Variants in GAPDHS observed in about 807,000 individuals in gnomAD.
The protein encoded by GAPDHS is glyceraldehyde-3-phosphate dehydrogenase, spermatogenic.
In GAPDHS, 42 loss-of-function variants were observed where a neutral mutation model predicts 48.7. The ratio of observed to expected loss-of-function variants is 0.86; its 90% confidence interval spans 0.67 to 1.12. The LOEUF is 1.12. GAPDHS is among the 50% of genes most tolerant of loss of function. The pLI is 0.00. For missense variants in GAPDHS, 512 were observed against 557.7 expected, an observed-to-expected ratio of 0.92 and a Z score of 0.82; for synonymous variants, 166 against 219.1, an observed-to-expected ratio of 0.76 and a Z score of 2.14.
At chr19:35,534,158 T>TA (rs2071449834) in intron 1 of GAPDHS, among the ~76,000 whole-genome samples, 2 of 151,982 alleles carry the variant, frequency 1.3e-5, no homozygotes, top group East Asian at 3.9e-4. Flanking sequence ...ACTACTTCCT[T>TA]AGTCTCTCAA....
In GAPDHS at chr19:35,539,016, T is replaced by G. The variant is rs578241169; in HGVS notation, c.449+333T>G. ...GCATCCTTGACCTCCCGGGCTCAAGTGGTCCTCCCACCTCGGCCTCCCAAG... is the reference window on the plus strand; with the variant it reads ...GCATCCTTGACCTCCCGGGCTCAAGGGGTCCTCCCACCTCGGCCTCCCAAG... On this transcript the variant is annotated intron_variant, in intron 4 of 10. Coordinates refer to ENST00000222286, the MANE Select transcript of GAPDHS (RefSeq NM_014364.5). Among the ~76,000 whole-genome samples, 4 of 152,240 alleles carry G rather than the reference T, an allele frequency of 2.6e-5. No individual in the cohort carries two copies. In the South Asian group the frequency reaches 8.3e-4, roughly 32 times the overall value.
Position 35,536,968 on chromosome 19 carries a change from G to C in GAPDHS, c.223G>C (p.Glu75Gln). Residue 75 changes from glutamate to glutamine, a missense_variant, in exon 2 of 11, where the codon GAG (glutamate) becomes CAG (glutamine). Coordinates refer to ENST00000222286, the MANE Select transcript of GAPDHS (RefSeq NM_014364.5). ...TCCTAAGATGGTGTCTGTGGCCCGG[G>C]AGCTGACTGTGGGCATCAATGGGTG... is the stretch of plus-strand genomic sequence containing the variant. ...PPPKMVSVAR[E>Q]LTVGINGFGR... 2 of 1,613,862 alleles carry C rather than the reference G, an allele frequency of 1.2e-6. No homozygotes were observed. Among genetic ancestry groups the C allele is most frequent in the Non-Finnish European group, 1.7e-6 (2 of 1,179,870 alleles).
chr19:35,538,393 C>A lies in GAPDHS; in HGVS notation c.332C>A (p.Pro111Gln). The A allele has an allele frequency of 6.4e-7, 1 of 1,563,146 alleles. No individual in the cohort carries two copies. Among genetic ancestry groups the A allele is most frequent in the Non-Finnish European group, 8.8e-7 (1 of 1,141,748 alleles). ...VVAVNDPFIDPEYMVYMFKYD... is the reference protein window; with the variant it reads ...VVAVNDPFIDQEYMVYMFKYD... ...GCTGTGAATGATCCATTCATTGACC[C>A]GGAATACATGGTCAGTAGCTGGCAG... The change falls in exon 3 of 11, where the codon CCG becomes CAG. Residue 111 changes from proline to glutamine, a missense_variant. Physicochemically the swap from Pro to Gln is moderately conservative, Grantham distance 76. Coordinates refer to ENST00000222286, the MANE Select transcript of GAPDHS (RefSeq NM_014364.5).
chr19:35,534,070 G>A (rs953025577), intron 1 of GAPDHS, among the ~76,000 whole-genome samples: 9 of 152,224 alleles, frequency 5.9e-5, no homozygotes, highest in African/African-American at 1.9e-4. Context: ...AGAGCTCAGG[G>A]AAGCCTCACC....
At chr19:35,538,509 A>G in intron 3 of GAPDHS, 68 bp from the exon 4 acceptor site, 1 of 1,276,764 alleles carries the variant, frequency 7.8e-7, no homozygotes, top group Non-Finnish European at 1.1e-6. Context: ...GACCTTCACC[A>G]AAGAGGGGAC....
Position 35,542,000 on chromosome 19 carries a change from G to A in GAPDHS, c.450-319G>A, listed in dbSNP as rs1315873481. On this transcript the variant is annotated intron_variant, in intron 4 of 10. Coordinates refer to ENST00000222286, the MANE Select transcript of GAPDHS (RefSeq NM_014364.5). ...ACGTCCCGGGCAGCATATGGAGAAAGGGTCTGGGCTGGCTGACAGCAGTCA... is the reference window on the plus strand; with the variant it reads ...ACGTCCCGGGCAGCATATGGAGAAAAGGTCTGGGCTGGCTGACAGCAGTCA... 8 of 362,526 alleles carry A rather than the reference G, an allele frequency of 2.2e-5. 1 individual carries two copies. In the South Asian group the frequency reaches 2.3e-4, roughly 10 times the overall value. The allele number at this position is 362,526 out of a possible 1,614,324, so 22.5% of individuals were successfully genotyped here. A position where few individuals can be genotyped will look rare whatever the true frequency, so the allele number is the denominator to read the frequency against.
chr19:35,543,374 C>T lies in GAPDHS; in HGVS notation c.776C>T (p.Thr259Ile). The T allele has an allele frequency of 6.2e-7, 1 of 1,613,052 alleles. No individual in the cohort carries two copies. Reference sequence around the variant, plus strand: ...CATTCCTACACGGCCACCCAGAAGACAGTGGACGGGCCATCAAGGAAGGCC... The same window carrying T: ...CATTCCTACACGGCCACCCAGAAGATAGTGGACGGGCCATCAAGGAAGGCC... ...TVHSYTATQK[T>I]VDGPSRKAWR... The change falls in exon 8 of 11, where the codon ACA (threonine) becomes ATA (isoleucine). Residue 259 changes from threonine to isoleucine, a missense_variant. Transcript: ENST00000222286.
intron 1 of GAPDHS, among the ~76,000 whole-genome samples, chr19:35,536,287 G>A (rs1398025520): frequency 6.6e-6 from 1 of 151,892 alleles, no homozygotes; most frequent in Non-Finnish European, 1.5e-5. Flanking sequence ...TATGTTGAAA[G>A]TACATACCCC....
At chr19:35,539,051 CCAG>C (rs2071484271) in intron 4 of GAPDHS, among the ~76,000 whole-genome samples, 1 of 152,082 alleles carries the variant, frequency 6.6e-6, no homozygotes, top group South Asian at 2.1e-4. Flanking sequence ...GTAGTGGGCA[CCAG>C]CCACCACACC....
chr19:35,538,451 G>GGC, intron 3 of GAPDHS, 48 bp downstream of exon 3: 4 of 746,746 alleles, frequency 5.4e-6, no homozygotes, highest in African/African-American at 1.7e-5. Context: ...ACTGGGGTGG[G>GGC]AAAGGGACTC....
intron 4 of GAPDHS, among the ~76,000 whole-genome samples, chr19:35,539,141 C>T (rs1314441295): frequency 6.6e-6 from 1 of 152,210 alleles, no homozygotes; most frequent in African/African-American, 2.4e-5. Flanking sequence ...AAGCAATCCT[C>T]CCACCTTGGC....
At position 35,542,632 on chromosome 19, in the gene GAPDHS, CA is replaced by C. The variant is rs765053704; in HGVS notation, c.659+26del. 507 of 1,475,270 alleles carry C rather than the reference CA, an allele frequency of 3.4e-4. 1 individual carries two copies. Among genetic ancestry groups the C allele is most frequent in the Non-Finnish European group, 4.7e-4 (491 of 1,054,230 alleles). 91.4% of individuals were successfully genotyped at this position (1,475,270 alleles called of 1,614,324 possible). ...AGGTAATGTGGGCAGTGACATCCTG[CA>C]ATGTGTGGAAGGGAGGGTAGACTCG... On this transcript the variant is annotated intron_variant, in intron 6 of 10. Coordinates refer to ENST00000222286, the MANE Select transcript of GAPDHS (RefSeq NM_014364.5).
chr19:35,542,672 C>T (rs2071513100), intron 6 of GAPDHS, 64 bp downstream of exon 6: 4 of 1,099,176 alleles, frequency 3.6e-6, no homozygotes, highest in East Asian at 4.8e-5. Flanking sequence ...TCCCCACCCT[C>T]AGCCCCACTG....
Position 35,542,383 on chromosome 19 carries a change from G to T in GAPDHS, c.514G>T (p.Val172Leu), listed in dbSNP as rs147678774. The change falls in exon 5 of 11, where the codon GTG (valine) becomes TTG (leucine). Residue 172 changes from valine (V) to leucine (L), a missense_variant. Physicochemically the swap from Val to Leu is conservative, Grantham distance 32. Coordinates refer to ENST00000222286, the MANE Select transcript of GAPDHS (RefSeq NM_014364.5). The stretch of plus-strand genomic sequence containing the variant: ...CCCCTACGTGGTGGAGTCCACAGGC[G>T]TGTACCTCTCCATACAGGCAGCTTC... ...GSPYVVESTG[V>L]YLSIQAASDH... is the part of the protein sequence containing the mutation. 6.2e-7 allele frequency: 1 copy of T among 1,609,126 alleles called. No homozygotes were observed. The highest frequency in any genetic ancestry group is 8.5e-7 in the Non-Finnish European group (1 of 1,175,768).
chr19:35,536,772 T>C (rs766931357), intron 1 of GAPDHS, 41 bp from the exon 2 acceptor site: 38 of 1,510,900 alleles, frequency 2.5e-5, no homozygotes, highest in Middle Eastern at 1.7e-4. Flanking sequence ...CTCTTTCACT[T>C]TGGTGGTCAT....
chr19:35,544,842 C>T (rs1327644614), intron 9 of GAPDHS, 67 bp from the exon 10 acceptor site: 2 of 879,002 alleles, frequency 2.3e-6, no homozygotes, highest in East Asian at 2.4e-5. Flanking sequence ...AGTTAAGAGT[C>T]GGGGCCTCAG....
At chr19:35,543,611 T>C in intron 8 of GAPDHS, 54 bp from the exon 9 acceptor site, 3 of 1,595,040 alleles carry the variant, frequency 1.9e-6, no homozygotes, top group Non-Finnish European at 2.6e-6. Context: ...AAAGGGGGAA[T>C]GGAGGGCAAC....
intron 2 of GAPDHS, among the ~76,000 whole-genome samples, chr19:35,538,100 T>A (rs2071477637): frequency 6.6e-6 from 1 of 152,038 alleles, no homozygotes; most frequent in Non-Finnish European, 1.5e-5. Context: ...TATATATGTA[T>A]ATATGGGTTA....
chr19:35,542,441 G>A (rs1293791143), intron 5 of GAPDHS, 32 bp downstream of exon 5: 3 of 1,598,236 alleles, frequency 1.9e-6, no homozygotes, highest in African/African-American at 2.7e-5. Context: ...AGGGCTAGCT[G>A]GGGGGATGAT....
Sources: gnomAD v4.1 joint callset for allele counts (sites outside exome capture counted in the v4.1 genomes callset) on GRCh38, gnomAD v4.1.1 for gene constraint, MANE v1.5 for transcripts, NCBI Gene and HGNC (gene_info 2026-07-23, HGNC 2026-07-21) for gene names.